LAMB1: variants seen among roughly 807,000 people sequenced by gnomAD.
LAMB1 encodes the protein laminin subunit beta 1.
A neutral mutation model predicts 222.3 loss-of-function variants in LAMB1; 121 were observed. The observed-to-expected ratio is 0.54, with a 90% confidence interval of 0.47 to 0.63. The LOEUF (loss-of-function observed/expected upper bound fraction) is 0.63. Ranked by LOEUF, LAMB1 falls within the 30% of genes least tolerant of loss-of-function variation. LAMB1 has a pLI of 0.00. For missense variants in LAMB1, 2,172 were observed against 2,240.8 expected (o/e 0.97, Z 0.62); for synonymous variants, 794 against 807.2 (o/e 0.98, Z 0.28).
At chr7:107,955,902 TTTTG>T (rs1460060247) in intron 20 of LAMB1, among the ~76,000 whole-genome samples, 2 of 151,496 alleles carry the variant, frequency 1.3e-5, no homozygotes, top group African/African-American at 2.4e-5. Flanking sequence ...CTGGCTGTTT[TTTTG>T]TTTGTTTTTG....
In LAMB1 at chr7:107,937,155, A is replaced by G; in HGVS notation, c.3884T>C (p.Leu1295Pro). The change falls in exon 26 of 34, where the codon CTA becomes CCA. Residue 1295 changes from leucine to proline, a missense_variant. Leu to Pro is a moderately conservative substitution (Grantham distance 98). Transcript: ENST00000222399. ...AGCAAGTTCTTTCACAGTGTTGTCT[A>G]GGCTTTCGGCTTCTGTCTGTAGAGA... ...LDSLQTEAESLDNTVKELAEQ... is the reference protein window; with the variant it reads ...LDSLQTEAESPDNTVKELAEQ... 1 of 1,614,112 alleles carries G rather than the reference A, an allele frequency of 6.2e-7. No homozygotes were observed. Among genetic ancestry groups the G allele is most frequent in the Non-Finnish European group, 8.5e-7 (1 of 1,179,972 alleles).
In LAMB1 at chr7:107,932,159, C is replaced by G; in HGVS notation, c.4392+15G>C. 6.2e-7 allele frequency: 1 copy of G among 1,612,934 alleles called. No individual in the cohort carries two copies. The highest frequency in any genetic ancestry group is 1.1e-5 in the South Asian group (1 of 91,060). ...AAACATACATAACAAAAACTGAGGC[C>G]ATCCACTGAGTTACCATCTTGGAGA... On this transcript the variant is annotated intron_variant, in intron 28 of 33. Transcript: ENST00000222399.
intron 2 of LAMB1, 162 bp from the exon 3 acceptor site, chr7:108,001,895 A>T: frequency 6.8e-7 from 1 of 1,466,516 alleles, no homozygotes; most frequent in South Asian, 1.4e-5. Context: ...AGCGCAGGAG[A>T]GGCTGGGAAG....
intron 13 of LAMB1, among the ~76,000 whole-genome samples, chr7:107,972,034 T>C (rs748559161): frequency 1.3e-5 from 2 of 152,334 alleles, no homozygotes; most frequent in African/African-American, 4.8e-5. Flanking sequence ...CATTCTGTCT[T>C]TCTTCCCTGC....
At chr7:107,997,407 A>G (rs1186299228) in intron 4 of LAMB1, among the ~76,000 whole-genome samples, 2 of 152,214 alleles carry the variant, frequency 1.3e-5, no homozygotes, top group Non-Finnish European at 2.9e-5. Context: ...TAGGTGAAAG[A>G]GGGAGACTCT....
intron 24 of LAMB1, among the ~76,000 whole-genome samples, chr7:107,946,807 T>C (rs1219926499): frequency 6.6e-6 from 1 of 152,208 alleles, no homozygotes; most frequent in Non-Finnish European, 1.5e-5. Flanking sequence ...TAAAGATTAA[T>C]GTCTGGGCAA....
At position 107,960,541 on chromosome 7, in the gene LAMB1, G is replaced by A; in HGVS notation, c.2218C>T (p.Leu740=). 1.9e-6 allele frequency: 3 copies of A among 1,614,118 alleles called. No individual in the cohort carries two copies. Among genetic ancestry groups the A allele is most frequent in the Non-Finnish European group, 2.5e-6 (3 of 1,179,950 alleles). The change falls in exon 18 of 34, where the codon CTA becomes TTA. Residue 740 remains leucine, a synonymous_variant. Coordinates refer to ENST00000222399, the MANE Select transcript of LAMB1 (RefSeq NM_002291.3). ...TTCACAACGCTTCTGCTGTTCTCTA[G>A]ACATCGGTATCTCTGAAAGGTTTCC... ...AWETFQRYRC[L]ENSRSVVKTP...
chr7:107,952,160 T>C lies in LAMB1; in HGVS notation c.3143A>G (p.Asp1048Gly). 6.2e-7 allele frequency: 1 copy of C among 1,613,674 alleles called. No individual in the cohort carries two copies. Among genetic ancestry groups the C allele is most frequent in the Non-Finnish European group, 8.5e-7 (1 of 1,179,632 alleles). The change falls in exon 23 of 34, where the codon GAC becomes GGC. Residue 1048 changes from aspartate (D) to glycine (G), a missense_variant. Coordinates refer to ENST00000222399, the MANE Select transcript of LAMB1 (RefSeq NM_002291.3). Reference sequence around the variant, plus strand: ...ACACAAGCACTGACCAGTGGCTTTGTCGCACTGGCAGTCAGAGCCGTTACA... The same window carrying C: ...ACACAAGCACTGACCAGTGGCTTTGCCGCACTGGCAGTCAGAGCCGTTACA... ...EHCNGSDCQC[D>G]KATGQCLCLP... is the part of the protein sequence containing the mutation.
intron 22 of LAMB1, 78 bp downstream of exon 22, chr7:107,953,451 AG>A: frequency 9.4e-7 from 1 of 1,060,752 alleles, no homozygotes; most frequent in Non-Finnish European, 1.4e-6. Context: ...AAATAAATAC[AG>A]GAAGAATAAA....
At chr7:107,956,748 CAG>C (rs2150425354) in intron 20 of LAMB1, among the ~76,000 whole-genome samples, 1 of 152,300 alleles carries the variant, frequency 6.6e-6, no homozygotes, top group African/African-American at 2.4e-5. Context: ...GAGGGGGTGA[CAG>C]GGGTGCTCTC....
intron 13 of LAMB1, among the ~76,000 whole-genome samples, chr7:107,965,655 C>T (rs1453047768): frequency 6.6e-6 from 1 of 152,158 alleles, no homozygotes; most frequent in Non-Finnish European, 1.5e-5. Context: ...TCCATTTTTA[C>T]TTCACTTAAA....
At chr7:108,001,886 G>C in intron 2 of LAMB1, 153 bp from the exon 3 acceptor site, 1 of 1,472,946 alleles carries the variant, frequency 6.8e-7, no homozygotes, top group Non-Finnish European at 9.0e-7. Flanking sequence ...GGAGAGATGA[G>C]CGCAGGAGAG....
chr7:107,935,339 T>G, intron 27 of LAMB1, 76 bp downstream of exon 27: 2 of 1,504,852 alleles, frequency 1.3e-6, no homozygotes, highest in Non-Finnish European at 1.8e-6. Flanking sequence ...GATGGTTTGT[T>G]TTTCTTTGTT....
chr7:107,965,053 G>T (rs191501098), intron 13 of LAMB1, among the ~76,000 whole-genome samples: 1 of 152,272 alleles, frequency 6.6e-6, no homozygotes, highest in East Asian at 1.9e-4. Flanking sequence ...TCTCCAGCTT[G>T]GCTGTCCCAG....
At chr7:107,955,340 T>A (rs1378541322) in intron 21 of LAMB1, 127 bp downstream of exon 21, 1 of 830,972 alleles carries the variant, frequency 1.2e-6, no homozygotes, top group Non-Finnish European at 1.7e-6. Context: ...TCTTTTCTAA[T>A]TTTTAATTAA....
intron 7 of LAMB1, among the ~76,000 whole-genome samples, chr7:107,983,267 G>A (rs1341594975): frequency 6.6e-6 from 1 of 152,164 alleles, no homozygotes; most frequent in African/African-American, 2.4e-5. Context: ...CTTCAAGCTT[G>A]GAAGTTTTTT....
intron 31 of LAMB1, among the ~76,000 whole-genome samples, chr7:107,928,639 C>G (rs375591131): frequency 2.0e-5 from 3 of 152,086 alleles, no homozygotes; most frequent in African/African-American, 7.2e-5. Flanking sequence ...ACTACAGGCA[C>G]ACACCACTAT....
intron 22 of LAMB1, among the ~76,000 whole-genome samples, chr7:107,952,618 T>C (rs996735010): frequency 2.0e-5 from 3 of 152,226 alleles, no homozygotes; most frequent in Admixed American, 1.3e-4. Flanking sequence ...GTGTTGGACA[T>C]AGCAGGTAAA....
At chr7:107,997,284 G>A (rs539619844) in intron 4 of LAMB1, among the ~76,000 whole-genome samples, 2 of 152,218 alleles carry the variant, frequency 1.3e-5, no homozygotes, top group South Asian at 2.1e-4. Flanking sequence ...TTAGCTGGGC[G>A]TGGTGACATG....
Sources: allele counts gnomAD v4.1 joint callset (sites outside exome capture counted in the v4.1 genomes callset), GRCh38; gene constraint gnomAD v4.1.1; transcripts MANE v1.5; gene names NCBI Gene and HGNC (gene_info 2026-07-23, HGNC 2026-07-21).